IGSF11: variants seen among roughly 807,000 people sequenced by gnomAD.
IGSF11 encodes immunoglobulin superfamily member 11.
In IGSF11, 22 loss-of-function variants were observed where a neutral mutation model predicts 41.0. The ratio of observed to expected loss-of-function variants is 0.54; its 90% CI spans 0.38 to 0.77. IGSF11 has a LOEUF of 0.77. Among genes scored for constraint, IGSF11 ranks in the 30% least tolerant of loss-of-function variants. The pLI is 0.00. For synonymous variants in IGSF11, 219 were observed against 201.3 expected, an observed-to-expected ratio of 1.09 and a Z score of -0.74; for missense variants, 444 against 530.8, an observed-to-expected ratio of 0.84 and a Z score of 1.61.
chr3:118,960,582 C>T (rs532893802), intron 1 of IGSF11, among the ~76,000 whole-genome samples: 7 of 151,908 alleles, frequency 4.6e-5, no homozygotes, highest in African/African-American at 1.7e-4. Flanking sequence ...TTCCTCCTAG[C>T]TACAACATAT....
chr3:118,973,406 C>T (rs996693245), intron 1 of IGSF11, among the ~76,000 whole-genome samples: 1 of 152,094 alleles, frequency 6.6e-6, no homozygotes, highest in Non-Finnish European at 1.5e-5. Context: ...GCCTAGGCTG[C>T]GTAGAATTTG....
chr3:118,949,789 C>T (rs1339268428), intron 1 of IGSF11, among the ~76,000 whole-genome samples: 4 of 152,212 alleles, frequency 2.6e-5, no homozygotes, highest in Non-Finnish European at 4.4e-5. Context: ...ATGATGTTCA[C>T]TTTCTTTCTA....
At chr3:118,994,864 C>A (rs1184208574) in intron 1 of IGSF11, among the ~76,000 whole-genome samples, 1 of 151,980 alleles carries the variant, frequency 6.6e-6, no homozygotes, top group East Asian at 1.9e-4. Context: ...AGTAAGAATA[C>A]CTGAGCAGGG....
intron 1 of IGSF11, among the ~76,000 whole-genome samples, chr3:118,966,856 T>C (rs1351303365): frequency 6.6e-6 from 1 of 152,102 alleles, no homozygotes; most frequent in Non-Finnish European, 1.5e-5. Flanking sequence ...TCCTCTCTCT[T>C]TGTCTAGTTT....
chr3:119,083,126 C>CTTTTTTTTTTTTTTT (rs79620142), intron 1 of IGSF11, among the ~76,000 whole-genome samples: 3 of 129,116 alleles, frequency 2.3e-5, no homozygotes, highest in African/African-American at 9.2e-5. Flanking sequence ...TTTCTTTTTT[C>CTTTTTTTTTTTTTTT]TTTTTTTTTT....
At chr3:119,141,597 G>C (rs1185733223) in intron 1 of IGSF11, among the ~76,000 whole-genome samples, 1 of 148,038 alleles carries the variant, frequency 6.8e-6, no homozygotes, top group Non-Finnish European at 1.5e-5. Context: ...TTACAATATA[G>C]ATTATCTATA....
intron 1 of IGSF11, among the ~76,000 whole-genome samples, chr3:118,992,431 G>A (rs1935879826): frequency 6.6e-6 from 1 of 152,136 alleles, no homozygotes. Context: ...TAAACATTTA[G>A]CAAAAAGTGC....
At chr3:118,913,643 C>T (rs1940639422) in intron 4 of IGSF11, among the ~76,000 whole-genome samples, 1 of 152,038 alleles carries the variant, frequency 6.6e-6, no homozygotes, top group Admixed American at 6.5e-5. Flanking sequence ...AATGTAATAC[C>T]TACTGAAGGG....
intron 1 of IGSF11, among the ~76,000 whole-genome samples, chr3:118,959,720 T>A (rs1359860495): frequency 6.6e-6 from 1 of 152,120 alleles, no homozygotes; most frequent in Non-Finnish European, 1.5e-5. Context: ...TACCCATGTG[T>A]GTTTAATTAC....
At chr3:119,139,304 C>T (rs746462333) in intron 1 of IGSF11, among the ~76,000 whole-genome samples, 3 of 152,106 alleles carry the variant, frequency 2.0e-5, no homozygotes, top group Non-Finnish European at 2.9e-5. Flanking sequence ...GATGGTAATT[C>T]AAATCCATGT....
At chr3:119,051,253 A>G (rs1941614826) in intron 1 of IGSF11, among the ~76,000 whole-genome samples, 1 of 152,190 alleles carries the variant, frequency 6.6e-6, no homozygotes, top group East Asian at 1.9e-4. Context: ...GGGCTCACAT[A>G]AACTTAAGGT....
At chr3:119,068,027 A>G (rs80247556) in intron 1 of IGSF11, among the ~76,000 whole-genome samples, 1 of 152,366 alleles carries the variant, frequency 6.6e-6, no homozygotes, top group East Asian at 1.9e-4. Context: ...ATCTTAAGCA[A>G]TACTGACTGC....
intron 4 of IGSF11, among the ~76,000 whole-genome samples, chr3:118,908,804 TGCTGCCTCTG>T (rs1939916093): frequency 6.6e-6 from 1 of 152,228 alleles, no homozygotes; most frequent in African/African-American, 2.4e-5. Flanking sequence ...AGTTCCAGAA[TGCTGCCTCTG>T]GCTGCCTAGT....
At chr3:119,141,158 CTTAA>C (rs2077643614) in intron 1 of IGSF11, among the ~76,000 whole-genome samples, 1 of 150,580 alleles carries the variant, frequency 6.6e-6, no homozygotes, top group African/African-American at 2.4e-5. Context: ...ACAACACATT[CTTAA>C]TTAACCAATG....
chr3:119,102,398 C>T (rs1045433003), intron 1 of IGSF11, among the ~76,000 whole-genome samples: 5 of 152,136 alleles, frequency 3.3e-5, no homozygotes, highest in African/African-American at 9.7e-5. Context: ...GAGGTCTGAG[C>T]CAGTCTGAAT....
In IGSF11 at chr3:118,902,447, T is replaced by TCCCCCCCCCCCC; in HGVS notation, c.*72_*73insGGGGGGGGGGGG. 3.5e-6 allele frequency: 2 copies of TCCCCCCCCCCCC among 563,916 alleles called. No individual in the cohort carries two copies. The highest frequency in any genetic ancestry group is 2.4e-5 in the Admixed American group (1 of 42,468). The allele number at this position is 563,916 out of a possible 1,614,324, so 34.9% of individuals were successfully genotyped here. On this transcript the variant is annotated 3_prime_UTR_variant, in exon 7 of 7. Transcript: ENST00000393775. ...TAAGGAAGTGTTTCTTTCCCAGCAC[T>TCCCCCCCCCCCC]CCCCACCCCACCCTCCCCCTTGTAT...
intron 1 of IGSF11, among the ~76,000 whole-genome samples, chr3:119,130,214 G>A (rs9653914): frequency 0.25 from 37,975 of 152,092 alleles, 4,819 homozygotes; most frequent in South Asian, 0.31. Flanking sequence ...GTTGGAGAAT[G>A]GGTGCAGCCC....
At chr3:118,974,470 T>C (rs953704522) in intron 1 of IGSF11, among the ~76,000 whole-genome samples, 1 of 152,156 alleles carries the variant, frequency 6.6e-6, no homozygotes, top group Admixed American at 6.5e-5. Flanking sequence ...GGAAGAACAG[T>C]CAGATGTTAC....
At chr3:119,085,076 A>G (rs561748366) in intron 1 of IGSF11, among the ~76,000 whole-genome samples, 1 of 152,276 alleles carries the variant, frequency 6.6e-6, no homozygotes, top group South Asian at 2.1e-4. Flanking sequence ...ACCTAATAAC[A>G]ACAATAAAAT....
Sources: gnomAD v4.1 joint callset for allele counts (sites outside exome capture counted in the v4.1 genomes callset) on GRCh38, gnomAD v4.1.1 for gene constraint, MANE v1.5 for transcripts, NCBI Gene and HGNC (gene_info 2026-07-23, HGNC 2026-07-21) for gene names.